ARL8B: variants seen among roughly 807,000 people sequenced by gnomAD.
ARL8B encodes ADP-ribosylation factor-like protein 8B.
In ARL8B, 9 loss-of-function variants were observed where a neutral mutation model predicts 30.6. That is an observed-to-expected ratio of 0.29 (90% CI 0.18 to 0.51). ARL8B has a LOEUF of 0.51. Among genes scored for constraint, ARL8B ranks in the 20% least tolerant of loss-of-function variants. The pLI is 0.97. For missense variants in ARL8B, 130 were observed against 227.2 expected (o/e 0.57, Z 2.75); for synonymous variants, 74 against 76.0 (o/e 0.97, Z 0.14).
At chr3:5,128,380 A>G (rs2054250996) in intron 1 of ARL8B, 2 of 434,748 alleles carry the variant, frequency 4.6e-6, no homozygotes, top group Non-Finnish European at 9.2e-6. Context: ...AAAATGAGGC[A>G]TCTTACAAAG....
In ARL8B at chr3:5,122,352, G is replaced by T. The variant is rs1423883750; in HGVS notation, c.-114G>T. On this transcript the variant is annotated 5_prime_UTR_variant, in exon 1 of 7. Transcript: ENST00000256496. ...CCGCCCGCCGGTGTCCGCCCGTGTC[G>T]CGCCGGGGCACCAAGGAGCCGTTGG... The T allele has an allele frequency of 7.7e-6, 12 of 1,552,738 alleles. No individual in the cohort carries two copies. The highest frequency in any genetic ancestry group is 1.0e-5 in the Non-Finnish European group (12 of 1,151,164).
In ARL8B at chr3:5,135,240, C is replaced by T. The variant is rs909480652; in HGVS notation, c.123+12652C>T. ...TTCCTCCCATTTCCAATACAAAGAA[C>T]GTTCAGTAAAAATTATTTCATTTAA... On this transcript the variant is annotated intron_variant, in intron 1 of 6. Transcript: ENST00000256496. Among the ~76,000 whole-genome samples, 7 of 152,076 alleles carry T rather than the reference C, an allele frequency of 4.6e-5. No homozygotes were observed. The East Asian group carries it at 5.8e-4, about 13-fold the overall frequency.
chr3:5,131,339 T>G (rs1318793406), intron 1 of ARL8B, among the ~76,000 whole-genome samples: 1 of 152,144 alleles, frequency 6.6e-6, no homozygotes, highest in Non-Finnish European at 1.5e-5. Context: ...CCTTCATAAT[T>G]TAGCTATTTC....
intron 1 of ARL8B, among the ~76,000 whole-genome samples, chr3:5,169,416 G>A (rs1374514369): frequency 6.6e-6 from 1 of 151,778 alleles, no homozygotes; most frequent in Non-Finnish European, 1.5e-5. Flanking sequence ...TTCAGAAGTT[G>A]AATTGCTGGA....
At chr3:5,131,102 G>A (rs1244721528) in intron 1 of ARL8B, among the ~76,000 whole-genome samples, 1 of 151,734 alleles carries the variant, frequency 6.6e-6, no homozygotes, top group Non-Finnish European at 1.5e-5. Flanking sequence ...TAGTAGAGAC[G>A]AGGTTTCACC....
chr3:5,134,752 T>TATAAA (rs2054310693), intron 1 of ARL8B, among the ~76,000 whole-genome samples: 1 of 152,224 alleles, frequency 6.6e-6, no homozygotes, highest in African/African-American at 2.4e-5. Context: ...TAGAGCAGTC[T>TATAAA]AATAATGGAT....
intron 1 of ARL8B, among the ~76,000 whole-genome samples, chr3:5,144,616 C>G (rs532255850): frequency 6.6e-6 from 1 of 152,328 alleles, no homozygotes; most frequent in Admixed American, 6.5e-5. Context: ...CTAATTCTTC[C>G]TTCTCCTTTC....
At chr3:5,173,961 C>A in intron 4 of ARL8B, 56 bp from the exon 5 acceptor site, 1 of 1,288,382 alleles carries the variant, frequency 7.8e-7, no homozygotes, top group Non-Finnish European at 1.1e-6. Flanking sequence ...AGATGATAAA[C>A]TTCTGTGACT....
chr3:5,128,947 A>G (rs2054256836), intron 1 of ARL8B, among the ~76,000 whole-genome samples: 1 of 152,062 alleles, frequency 6.6e-6, no homozygotes, highest in African/African-American at 2.4e-5. Context: ...AGTTTATTCC[A>G]TTGTGGTATG....
intron 3 of ARL8B, 152 bp downstream of exon 3, chr3:5,172,375 TA>T (rs1176910766): frequency 6.5e-5 from 46 of 707,462 alleles, no homozygotes; most frequent in East Asian, 1.9e-4. Context: ...ACATGGGATT[TA>T]AAAAAAATTA....
chr3:5,135,937 C>T (rs1453573657), intron 1 of ARL8B, among the ~76,000 whole-genome samples: 1 of 151,418 alleles, frequency 6.6e-6, no homozygotes, highest in Admixed American at 6.6e-5. Flanking sequence ...CAGGCACATG[C>T]TGCCCCGCGT....
At chr3:5,123,562 T>C (rs975195948) in intron 1 of ARL8B, among the ~76,000 whole-genome samples, 2 of 152,236 alleles carry the variant, frequency 1.3e-5, no homozygotes, top group Non-Finnish European at 1.5e-5. Flanking sequence ...TGGTAGTGGC[T>C]TGTACACGCC....
intron 1 of ARL8B, among the ~76,000 whole-genome samples, chr3:5,160,546 A>G (rs1289932477): frequency 6.6e-6 from 1 of 152,202 alleles, no homozygotes; most frequent in Non-Finnish European, 1.5e-5. Flanking sequence ...TTGTCTTTGT[A>G]AAGGAAGTTG....
chr3:5,142,741 T>C (rs928517363), intron 1 of ARL8B, among the ~76,000 whole-genome samples: 2 of 152,104 alleles, frequency 1.3e-5, no homozygotes, highest in African/African-American at 4.8e-5. Context: ...AAATGAGAGG[T>C]TGAGTTTTTT....
At chr3:5,130,039 T>G (rs1032312983) in intron 1 of ARL8B, among the ~76,000 whole-genome samples, 1 of 151,830 alleles carries the variant, frequency 6.6e-6, no homozygotes, top group Non-Finnish European at 1.5e-5. Flanking sequence ...AGTTTTTGTA[T>G]TTTTAGTAGA....
chr3:5,160,148 A>G (rs2054568750), intron 1 of ARL8B, among the ~76,000 whole-genome samples: 1 of 152,226 alleles, frequency 6.6e-6, no homozygotes, highest in Non-Finnish European at 1.5e-5. Flanking sequence ...ATATATCCAG[A>G]TAACTTTAGT....
At chr3:5,141,984 C>G (rs1042984430) in intron 1 of ARL8B, among the ~76,000 whole-genome samples, 1 of 152,190 alleles carries the variant, frequency 6.6e-6, no homozygotes, top group Non-Finnish European at 1.5e-5. Context: ...ATTCGGCACT[C>G]CCCTAGGGAC....
At chr3:5,124,256 A>AT (rs35897178) in intron 1 of ARL8B, among the ~76,000 whole-genome samples, 2,179 of 105,626 alleles carry the variant, frequency 0.021, 163 homozygotes, top group East Asian at 0.028. Flanking sequence ...AATACCACTA[A>AT]TTTTTTTTTT....
chr3:5,127,828 G>T (rs2054245342), intron 1 of ARL8B, among the ~76,000 whole-genome samples: 1 of 134,160 alleles, frequency 7.5e-6, no homozygotes, highest in African/African-American at 2.9e-5. Flanking sequence ...AGCCAAGATT[G>T]CGCCACTGCA....
Sources: allele counts gnomAD v4.1 joint callset (sites outside exome capture counted in the v4.1 genomes callset), GRCh38; gene constraint gnomAD v4.1.1; transcripts MANE v1.5; gene names NCBI Gene and HGNC (gene_info 2026-07-23, HGNC 2026-07-21).